BBOF1: variants seen among roughly 807,000 people sequenced by gnomAD.
The protein encoded by BBOF1 is basal body-orientation factor 1.
Under a neutral mutation model 68.0 loss-of-function variants are expected in BBOF1, and 62 were observed. The observed-to-expected ratio is 0.91, with a 90% CI of 0.74 to 1.13. The LOEUF is 1.13. Among genes scored for constraint, BBOF1 ranks in the 50% most tolerant of loss-of-function variants. BBOF1 has a pLI of 0.00. For synonymous variants in BBOF1, 208 were observed against 198.8 expected (o/e 1.05, Z -0.39); for missense variants, 534 against 600.1 (o/e 0.89, Z 1.15).
At chr14:74,071,510 A>G in intron 9 of BBOF1, 1 of 1,613,476 alleles carries the variant, frequency 6.2e-7, no homozygotes, top group Non-Finnish European at 8.5e-7. Context: ...GGAACACAGA[A>G]GTCAGGCCAT....
chr14:74,057,490 G>A lies in BBOF1; in HGVS notation c.1578+232G>A, dbSNP rs35227177. 7.8e-6 allele frequency: 11 copies of A among 1,411,458 alleles called. No individual in the cohort carries two copies. The South Asian group carries it at 1.6e-4, about 21-fold the overall frequency. 87.4% of individuals were successfully genotyped at this position (1,411,458 alleles called of 1,614,324 possible). On this transcript the variant is annotated intron_variant, in intron 11 of 11. Transcript: ENST00000394009. ...GCCTCTTTTTGTGTAGAAACCTATAGGTTGCCTTTTGAAGTAAACAGCCTA... is the reference window on the plus strand; with the variant it reads ...GCCTCTTTTTGTGTAGAAACCTATAAGTTGCCTTTTGAAGTAAACAGCCTA...
chr14:74,042,189 A>C (rs1397498067), intron 5 of BBOF1, among the ~76,000 whole-genome samples: 1 of 152,152 alleles, frequency 6.6e-6, no homozygotes, highest in Non-Finnish European at 1.5e-5. Flanking sequence ...TGGGGTTTAG[A>C]TAAAAGGAAT....
chr14:74,043,556 CAAAAAAAA>C (rs1162364604), intron 5 of BBOF1, among the ~76,000 whole-genome samples: 7 of 26,842 alleles, frequency 2.6e-4, no homozygotes, highest in African/African-American at 9.0e-4. Context: ...GACTCCGTCT[CAAAAAAAA>C]AAAAAAAAAA....
At chr14:74,047,226 G>A (rs1322744055) in intron 6 of BBOF1, among the ~76,000 whole-genome samples, 2 of 151,902 alleles carry the variant, frequency 1.3e-5, no homozygotes, top group Non-Finnish European at 2.9e-5. Flanking sequence ...CTTGTTCATC[G>A]AACAATCCTG....
chr14:74,038,897 A>C (rs2059769552), intron 4 of BBOF1, among the ~76,000 whole-genome samples: 1 of 152,182 alleles, frequency 6.6e-6, no homozygotes, highest in African/African-American at 2.4e-5. Flanking sequence ...CTCCAAAAAA[A>C]GAAAAAAAGA....
At chr14:74,055,834 C>T (rs895041997) in intron 9 of BBOF1, 149 bp downstream of exon 9, 1 of 554,660 alleles carries the variant, frequency 1.8e-6, no homozygotes, top group East Asian at 2.9e-5. Context: ...ACTACTGCAG[C>T]TCCCAGAGAT....
intron 4 of BBOF1, among the ~76,000 whole-genome samples, chr14:74,034,940 A>G (rs1364477019): frequency 1.3e-5 from 2 of 152,134 alleles, no homozygotes; most frequent in Non-Finnish European, 2.9e-5. Flanking sequence ...AAAATGTTTT[A>G]AATTAGCCAG....
At chr14:74,071,523 G>C in intron 9 of BBOF1, 1 of 1,613,076 alleles carries the variant, frequency 6.2e-7, no homozygotes, top group Non-Finnish European at 8.5e-7. Context: ...CAGGCCATCA[G>C]CTCTCCACAC....
chr14:74,020,985 C>G lies in BBOF1; in HGVS notation c.56+1451C>G, dbSNP rs80177305. Among the ~76,000 whole-genome samples, 1,515 of 152,248 alleles carry G rather than the reference C, an allele frequency of 1.0e-2. 30 individuals carry two copies. The highest frequency in any genetic ancestry group is 0.034 in the African/African-American group (1,417 of 41,540). ...GGTGAAAGTGGGACTTTGGTTCTCT[C>G]CACTGCAAACCCATTACCTCTGTGG... On this transcript the variant is annotated intron_variant, in intron 1 of 11. Transcript: ENST00000394009.
intron 3 of BBOF1, among the ~76,000 whole-genome samples, chr14:74,032,229 C>T (rs944835383): frequency 1.0e-4 from 15 of 146,982 alleles, no homozygotes; most frequent in East Asian, 4.3e-4. Flanking sequence ...CGGGTTCAAG[C>T]GATTCTCCTG....
intron 8 of BBOF1, chr14:74,055,369 G>T: frequency 2.3e-6 from 1 of 435,930 alleles, no homozygotes; most frequent in Non-Finnish European, 4.2e-6. Flanking sequence ...GGCTGGTCTC[G>T]AACTCCTGAC....
chr14:74,065,250 A>G lies in BBOF1; in HGVS notation c.*551A>G. The G allele has an allele frequency of 1.2e-6, 2 of 1,614,122 alleles. No individual in the cohort carries two copies. Among genetic ancestry groups the G allele is most frequent in the Non-Finnish European group, 1.7e-6 (2 of 1,180,008 alleles). On this transcript the variant is annotated 3_prime_UTR_variant, in exon 12 of 12. Transcript: ENST00000394009. Reference sequence around the variant, plus strand: ...CATTGGTGGTGAAGATGGCAGTTCCATTTCCATATGGGTTGTTATTTACAA... The same window carrying G: ...CATTGGTGGTGAAGATGGCAGTTCCGTTTCCATATGGGTTGTTATTTACAA...
chr14:74,071,532 A>G (rs1202736753), intron 9 of BBOF1: 2 of 1,612,832 alleles, frequency 1.2e-6, no homozygotes, highest in Non-Finnish European at 1.7e-6. Flanking sequence ...AGCTCTCCAC[A>G]CTGTGTACTA....
intron 10 of BBOF1, among the ~76,000 whole-genome samples, chr14:74,079,571 T>C (rs2060651243): frequency 6.6e-6 from 1 of 152,022 alleles, no homozygotes; most frequent in Admixed American, 6.5e-5. Flanking sequence ...TAACTGGGAC[T>C]ACAGGCGCCC....
rs1263761675 is a variant in BBOF1, at chr14:74,027,353, T to TTGGGATTACA, written c.286-1830_286-1821dup. Among the ~76,000 whole-genome samples, 3 of 150,538 alleles carry TTGGGATTACA rather than the reference T, an allele frequency of 2.0e-5. No homozygotes were observed. The Admixed American group carries it at 2.0e-4, about 10-fold the overall frequency. ...CTACCCGCCTCAGCTTCCCAAAGTG[T>TTGGGATTACA]TGGGATTACAGCCATGAGCCACCTC... On this transcript the variant is annotated intron_variant, in intron 2 of 11. Transcript: ENST00000394009.
intron 9 of BBOF1, chr14:74,075,121 T>G: frequency 2.1e-5 from 21 of 1,017,312 alleles, no homozygotes; most frequent in East Asian, 1.3e-4. Flanking sequence ...ATAGGGGGTA[T>G]GTTTCTCTCA....
intron 8 of BBOF1, among the ~76,000 whole-genome samples, chr14:74,053,519 T>G (rs1255890506): frequency 4.6e-5 from 7 of 151,734 alleles, no homozygotes; most frequent in Non-Finnish European, 1.0e-4. Context: ...TCCTCCCACC[T>G]CAGCCCCCCA....
At chr14:74,066,986 C>T, downstream of BBOF1, 1 of 1,141,408 alleles carries the variant, frequency 8.8e-7, no homozygotes, top group Non-Finnish European at 1.3e-6. Flanking sequence ...GAGGCCAAGG[C>T]AGGAGGACTG....
intron 3 of BBOF1, among the ~76,000 whole-genome samples, chr14:74,029,903 CTT>C (rs1435491571): frequency 1.3e-5 from 2 of 151,998 alleles, no homozygotes; most frequent in South Asian, 4.2e-4. Context: ...TTTTACTTAA[CTT>C]TATCTGTATC....
Sources: gnomAD v4.1 joint callset for allele counts (sites outside exome capture counted in the v4.1 genomes callset) on GRCh38, gnomAD v4.1.1 for gene constraint, MANE v1.5 for transcripts, NCBI Gene and HGNC (gene_info 2026-07-23, HGNC 2026-07-21) for gene names.